KIAA1328: variants seen among roughly 807,000 people sequenced by gnomAD.
The protein encoded by KIAA1328 is protein hinderin.
In KIAA1328, 52 loss-of-function variants were observed where a neutral mutation model predicts 68.1. The observed-to-expected ratio is 0.76, with a 90% CI of 0.61 to 0.96. The LOEUF is 0.96. Ranked by LOEUF, KIAA1328 falls within the 40% of genes least tolerant of loss-of-function variation. The pLI is 0.00. For missense variants in KIAA1328, 641 were observed against 677.6 expected, an observed-to-expected ratio of 0.95 and a Z score of 0.60; for synonymous variants, 232 against 239.4, an observed-to-expected ratio of 0.97 and a Z score of 0.28.
chr18:36,931,071 C>T (rs2050291753), intron 5 of KIAA1328, among the ~76,000 whole-genome samples: 1 of 152,072 alleles, frequency 6.6e-6, no homozygotes, highest in South Asian at 2.1e-4. Context: ...ATAGGGCAGT[C>T]ACTAGGACTG....
chr18:36,967,199 A>T (rs2051977508), intron 6 of KIAA1328, among the ~76,000 whole-genome samples: 1 of 152,198 alleles, frequency 6.6e-6, no homozygotes, highest in African/African-American at 2.4e-5. Flanking sequence ...TAAAAGATGA[A>T]ATCAGAGAGA....
chr18:36,998,098 C>A lies in KIAA1328; in HGVS notation c.576+38663C>A, dbSNP rs555407823. Reference sequence around the variant, plus strand: ...CACCATAGGTATAGCCTGCTGTCATCTTTGGAGAGCCTGAGTATAAGCCCA... The same window carrying A: ...CACCATAGGTATAGCCTGCTGTCATATTTGGAGAGCCTGAGTATAAGCCCA... On this transcript the variant is annotated intron_variant, in intron 6 of 9. Coordinates refer to ENST00000280020, the MANE Select transcript of KIAA1328 (RefSeq NM_020776.3). Among the ~76,000 whole-genome samples, 6 of 152,288 alleles carry A rather than the reference C, an allele frequency of 3.9e-5. No homozygotes were observed. The South Asian group carries it at 1.0e-3, about 26-fold the overall frequency.
intron 7 of KIAA1328, among the ~76,000 whole-genome samples, chr18:37,159,004 A>G (rs1334478319): frequency 6.6e-6 from 1 of 152,100 alleles, no homozygotes; most frequent in Non-Finnish European, 1.5e-5. Flanking sequence ...TAAGTTATAC[A>G]TCTTCTGGTG....
intron 4 of KIAA1328, among the ~76,000 whole-genome samples, chr18:36,864,642 T>G (rs554935041): frequency 1.4e-5 from 2 of 147,536 alleles, no homozygotes; most frequent in African/African-American, 2.5e-5. Context: ...GGTATTATAC[T>G]AGCCTCAAAA....
chr18:36,870,911 T>C (rs1449538996), intron 4 of KIAA1328, among the ~76,000 whole-genome samples: 2 of 152,202 alleles, frequency 1.3e-5, no homozygotes, highest in Non-Finnish European at 2.9e-5. Flanking sequence ...AAATGGGTGT[T>C]AGAATGCCCA....
chr18:37,090,772 A>G (rs1020212683), intron 7 of KIAA1328, among the ~76,000 whole-genome samples: 1 of 152,202 alleles, frequency 6.6e-6, no homozygotes, highest in Non-Finnish European at 1.5e-5. Flanking sequence ...AATTATTTAA[A>G]TTTAGGTCAT....
chr18:37,188,006 C>A (rs1221326248), intron 9 of KIAA1328, among the ~76,000 whole-genome samples: 1 of 152,118 alleles, frequency 6.6e-6, no homozygotes, highest in East Asian at 1.9e-4. Context: ...TATACAAATC[C>A]TAATGAAAGT....
At chr18:37,011,873 T>C (rs187114334) in intron 6 of KIAA1328, among the ~76,000 whole-genome samples, 2 of 152,176 alleles carry the variant, frequency 1.3e-5, no homozygotes, top group East Asian at 3.9e-4. Flanking sequence ...TTGTGATGAT[T>C]ACCCAGCTGT....
At chr18:36,952,082 C>A (rs1486733126) in intron 5 of KIAA1328, among the ~76,000 whole-genome samples, 1 of 152,166 alleles carries the variant, frequency 6.6e-6, no homozygotes, top group East Asian at 1.9e-4. Flanking sequence ...CCACTCAGGA[C>A]CAGTTAACCA....
intron 6 of KIAA1328, among the ~76,000 whole-genome samples, chr18:36,977,861 G>A (rs2052533101): frequency 1.3e-5 from 2 of 152,014 alleles, no homozygotes; most frequent in Non-Finnish European, 2.9e-5. Context: ...TTGGCTCACT[G>A]CAACCTCCGC....
intron 7 of KIAA1328, among the ~76,000 whole-genome samples, chr18:37,111,470 C>A (rs2057928178): frequency 6.6e-6 from 1 of 152,188 alleles, no homozygotes; most frequent in African/African-American, 2.4e-5. Context: ...ACCATCATAG[C>A]CCATAACTTG....
At chr18:37,133,345 A>G (rs1371353677) in intron 7 of KIAA1328, among the ~76,000 whole-genome samples, 1 of 151,758 alleles carries the variant, frequency 6.6e-6, no homozygotes, top group African/African-American at 2.4e-5. Flanking sequence ...CCAATGGAGA[A>G]AATAGTGGCT....
intron 4 of KIAA1328, among the ~76,000 whole-genome samples, chr18:36,857,118 A>G (rs1192504321): frequency 6.6e-6 from 1 of 152,120 alleles, no homozygotes; most frequent in Non-Finnish European, 1.5e-5. Context: ...CACTGAGCCT[A>G]AAGATCAGCC....
At chr18:37,075,080 G>C (rs2056671067) in intron 7 of KIAA1328, 1 of 152,002 alleles carries the variant, frequency 6.6e-6, no homozygotes, top group Non-Finnish European at 1.5e-5. Flanking sequence ...GGCAGCCAGA[G>C]AGAAAGGTTG....
intron 6 of KIAA1328, among the ~76,000 whole-genome samples, chr18:37,014,823 G>A (rs558834089): frequency 3.2e-4 from 49 of 152,172 alleles, no homozygotes; most frequent in Non-Finnish European, 5.3e-4. Flanking sequence ...CACCCAAACC[G>A]TATCAAATTC....
At chr18:37,149,073 T>G (rs1185075592) in intron 7 of KIAA1328, among the ~76,000 whole-genome samples, 3 of 152,140 alleles carry the variant, frequency 2.0e-5, no homozygotes, top group Non-Finnish European at 4.4e-5. Context: ...TAGAAGAAAC[T>G]ATTTTAAAAT....
intron 6 of KIAA1328, among the ~76,000 whole-genome samples, chr18:36,971,246 G>A (rs1377289049): frequency 6.6e-6 from 1 of 152,194 alleles, no homozygotes; most frequent in East Asian, 1.9e-4. Flanking sequence ...GTAGCCCTAT[G>A]CAGAAAACTG....
chr18:37,084,434 G>T (rs528345058), intron 7 of KIAA1328: 2 of 284,222 alleles, frequency 7.0e-6, no homozygotes, highest in Non-Finnish European at 1.3e-5. Flanking sequence ...AACTTTGAGA[G>T]AATCTTTTGA....
intron 5 of KIAA1328, among the ~76,000 whole-genome samples, chr18:36,913,740 A>G (rs980078347): frequency 6.6e-6 from 1 of 152,148 alleles, no homozygotes. Flanking sequence ...TTACAATGGC[A>G]TGTGTATTTC....
Sources: allele counts gnomAD v4.1 joint callset (sites outside exome capture counted in the v4.1 genomes callset), GRCh38; gene constraint gnomAD v4.1.1; transcripts MANE v1.5; gene names NCBI Gene and HGNC (gene_info 2026-07-23, HGNC 2026-07-21).